The following BRD10 variants were observed in gnomAD, a reference collection of about 807,000 sequenced individuals.
The protein encoded by BRD10 is bromodomain containing 10, also known as uncharacterized bromodomain-containing protein 10.
the BRD10 span, among the ~76,000 whole-genome samples, chr9:5,916,247 C>T: frequency 2.6e-5 from 4 of 152,130 alleles, no homozygotes; most frequent in African/African-American, 9.7e-5. Flanking sequence ...ACTAAAATCC[C>T]TATCAAATTT....
At chr9:5,986,221 G>C in the BRD10 span, among the ~76,000 whole-genome samples, 1 of 152,168 alleles carries the variant, frequency 6.6e-6, no homozygotes, top group African/African-American at 2.4e-5. Context: ...AGAACATGTG[G>C]TGTTTAGTTT....
chr9:5,958,532 G>A, the BRD10 span, among the ~76,000 whole-genome samples: 1 of 152,232 alleles, frequency 6.6e-6, no homozygotes, highest in East Asian at 1.9e-4. Context: ...CTCGCCTGTG[G>A]TCCCAGCTAC....
the BRD10 span, among the ~76,000 whole-genome samples, chr9:5,941,836 G>T: frequency 2.0e-5 from 3 of 151,970 alleles, no homozygotes; most frequent in Admixed American, 6.6e-5. Context: ...GAAAAAATGG[G>T]ACCATTCTTC....
chr9:5,945,769 A>C, the BRD10 span, among the ~76,000 whole-genome samples: 1 of 152,062 alleles, frequency 6.6e-6, no homozygotes, highest in Admixed American at 6.6e-5. Context: ...CTTTTTTCCT[A>C]AAATAATTTA....
chr9:5,994,237 G>A, the BRD10 span, among the ~76,000 whole-genome samples: 3 of 151,926 alleles, frequency 2.0e-5, no homozygotes, highest in Non-Finnish European at 4.4e-5. Flanking sequence ...CTTAGCTTAT[G>A]TTTTATAATA....
At chr9:5,939,663 T>C in the BRD10 span, among the ~76,000 whole-genome samples, 1 of 152,212 alleles carries the variant, frequency 6.6e-6, no homozygotes, top group Non-Finnish European at 1.5e-5. Flanking sequence ...TCCAAGTAAG[T>C]TGGCAGCAGT....
chr9:5,954,406 A>G, the BRD10 span, among the ~76,000 whole-genome samples: 1 of 152,236 alleles, frequency 6.6e-6, no homozygotes, highest in Non-Finnish European at 1.5e-5. Context: ...GCTTAATTAA[A>G]ATCTACATTT....
At chr9:5,968,981 G>T in the BRD10 span, 7 of 1,609,576 alleles carry the variant, frequency 4.3e-6, no homozygotes, top group Non-Finnish European at 5.9e-6. Context: ...TTCGTGAAAA[G>T]GTTTTTCTTC....
the BRD10 span, chr9:5,922,600 T>C: frequency 3.1e-6 from 5 of 1,613,888 alleles, no homozygotes; most frequent in Non-Finnish European, 4.2e-6. Context: ...AATGTTGTTC[T>C]GTACCTTTCT....
At chr9:5,952,602 G>T in the BRD10 span, among the ~76,000 whole-genome samples, 2 of 152,158 alleles carry the variant, frequency 1.3e-5, no homozygotes, top group Admixed American at 1.3e-4. Flanking sequence ...GAATACCACT[G>T]CAATTTTAAA....
chr9:5,996,312 TTTTTTTGTTGTTG>T, the BRD10 span, among the ~76,000 whole-genome samples: 1 of 142,024 alleles, frequency 7.0e-6, no homozygotes, highest in Non-Finnish European at 1.6e-5. Flanking sequence ...ACTTGGTTTT[TTTTTTTGTTGTTG>T]TTGTTGTTTT....
At chr9:5,892,256 T>G in the BRD10 span, among the ~76,000 whole-genome samples, 2 of 152,186 alleles carry the variant, frequency 1.3e-5, no homozygotes, top group African/African-American at 4.8e-5. Context: ...TAGGAGGGGT[T>G]AGAAACCTGA....
At chr9:6,002,848 T>G in the BRD10 span, among the ~76,000 whole-genome samples, 7 of 152,222 alleles carry the variant, frequency 4.6e-5, no homozygotes, top group South Asian at 2.1e-4. Context: ...GGCTAATTTT[T>G]TTTGTTTGTT....
At chr9:5,960,747 T>C in the BRD10 span, among the ~76,000 whole-genome samples, 1 of 152,140 alleles carries the variant, frequency 6.6e-6, no homozygotes, top group African/African-American at 2.4e-5. Context: ...AATTTCTAAT[T>C]CATTTTCGCC....
chr9:5,919,024 C>T, the BRD10 span: 7 of 152,540 alleles, frequency 4.6e-5, no homozygotes, highest in Non-Finnish European at 8.8e-5. Flanking sequence ...CAAAGAAATA[C>T]AGCAACTCAG....
At chr9:5,934,659 C>T in the BRD10 span, among the ~76,000 whole-genome samples, 2 of 152,052 alleles carry the variant, frequency 1.3e-5, no homozygotes, top group Non-Finnish European at 2.9e-5. Flanking sequence ...AGCCACTGCG[C>T]CCGGCCATAT....
At chr9:5,937,707 G>C in the BRD10 span, among the ~76,000 whole-genome samples, 2 of 152,186 alleles carry the variant, frequency 1.3e-5, no homozygotes, top group Non-Finnish European at 2.9e-5. Flanking sequence ...TTGGAAGAGA[G>C]AGGTTTTCAA....
chr9:5,882,418 T>A, the BRD10 span, among the ~76,000 whole-genome samples: 1 of 152,154 alleles, frequency 6.6e-6, no homozygotes, highest in African/African-American at 2.4e-5. Context: ...GTAGTCAGAA[T>A]CAAAATGGAG....
the BRD10 span, chr9:6,007,163 T>A: frequency 1.3e-6 from 2 of 1,594,188 alleles, no homozygotes; most frequent in Admixed American, 1.7e-5. Flanking sequence ...TGTGTCAGTC[T>A]GTCAGTCCCA....
Sources: gnomAD v4.1 joint callset for allele counts (sites outside exome capture counted in the v4.1 genomes callset) on GRCh38, gnomAD v4.1.1 for gene constraint, MANE v1.5 for transcripts, NCBI Gene and HGNC (gene_info 2026-07-23, HGNC 2026-07-21) for gene names.